The following ATP9B variants were observed in gnomAD, a reference collection of about 807,000 sequenced individuals.
ATP9B encodes the protein probable phospholipid-transporting ATPase IIB.
ATP9B carries 110 observed loss-of-function variants against 146.1 expected under a neutral mutation model. The ratio of observed to expected loss-of-function variants is 0.75; its 90% confidence interval spans 0.65 to 0.88. ATP9B has a LOEUF of 0.88. Ranked by LOEUF, ATP9B falls within the 40% of genes least tolerant of loss-of-function variation. The pLI is 0.00. For missense variants in ATP9B, 1,499 were observed against 1,496.4 expected (o/e 1.00, Z -0.03); for synonymous variants, 604 against 569.7 (o/e 1.06, Z -0.86).
chr18:79,169,602 C>T (rs2095038730), intron 7 of ATP9B, among the ~76,000 whole-genome samples: 1 of 152,180 alleles, frequency 6.6e-6, no homozygotes, highest in African/African-American at 2.4e-5. Context: ...CTTTTCTTAA[C>T]ATACCTTTTC....
chr18:79,331,575 G>A (rs1006091178), intron 17 of ATP9B, among the ~76,000 whole-genome samples: 2 of 151,888 alleles, frequency 1.3e-5, no homozygotes, highest in African/African-American at 4.8e-5. Context: ...CTTTGTTGTG[G>A]TACTACTATA....
At chr18:79,329,074 T>TG in intron 15 of ATP9B, 67 bp from the exon 16 acceptor site, 19 of 1,421,196 alleles carry the variant, frequency 1.3e-5, no homozygotes, top group Non-Finnish European at 1.8e-5. Flanking sequence ...AGCACTGCCG[T>TG]GCTGGCTCGC....
At chr18:79,093,372 T>C (rs1020487452) in intron 1 of ATP9B, among the ~76,000 whole-genome samples, 16 of 152,198 alleles carry the variant, frequency 1.1e-4, no homozygotes, top group Admixed American at 1.0e-3. Context: ...AGTTCCACTG[T>C]GCTTTGGCCT....
chr18:79,296,793 T>C (rs1324940666), intron 13 of ATP9B, among the ~76,000 whole-genome samples: 1 of 152,086 alleles, frequency 6.6e-6, no homozygotes, highest in African/African-American at 2.4e-5. Context: ...GGGGATAGAG[T>C]TGGGATAATA....
At chr18:79,159,862 A>G (rs1048107326) in intron 7 of ATP9B, among the ~76,000 whole-genome samples, 1 of 152,190 alleles carries the variant, frequency 6.6e-6, no homozygotes, top group African/African-American at 2.4e-5. Context: ...TACATTTGTG[A>G]TGTACATGTT....
In ATP9B at chr18:79,336,575, C is replaced by T. The variant is rs1034604897; in HGVS notation, c.2029-53C>T. On this transcript the variant is annotated intron_variant, in intron 17 of 29. Transcript: ENST00000426216. The stretch of plus-strand genomic sequence containing the variant: ...TGTGGCACTGCCCTGGCCCCACACA[C>T]GGCCACAGGGGCTCTGCAGGGCCCA... 2.8e-5 allele frequency: 43 copies of T among 1,546,596 alleles called. No homozygotes were observed. In the African/African-American group the frequency reaches 3.7e-4, roughly 13 times the overall value.
At chr18:79,069,717 G>A (rs770377213) in intron 1 of ATP9B, among the ~76,000 whole-genome samples, 188 bp downstream of exon 1, 4 of 152,208 alleles carry the variant, frequency 2.6e-5, no homozygotes, top group Admixed American at 2.6e-4. Context: ...GAGGGCCGCG[G>A]GCAGCTGCCG....
chr18:79,124,381 G>C (rs1244506906), intron 4 of ATP9B, among the ~76,000 whole-genome samples: 1 of 152,230 alleles, frequency 6.6e-6, no homozygotes, highest in African/African-American at 2.4e-5. Context: ...AGAATACAGT[G>C]TGTGCTAAAG....
intron 15 of ATP9B, among the ~76,000 whole-genome samples, chr18:79,324,789 GCTGGTCTAATATGTAACATTTTGCTGTCC>G (rs1487151604): frequency 6.6e-6 from 1 of 152,214 alleles, no homozygotes; most frequent in Admixed American, 6.5e-5. Flanking sequence ...CTTCTTAATT[GCTGGTCTAATATGTAACATTTTGCTGTCC>G]CTGAATTTAT....
chr18:79,214,549 G>A (rs1176512380), intron 11 of ATP9B, among the ~76,000 whole-genome samples: 2 of 152,120 alleles, frequency 1.3e-5, no homozygotes, highest in Non-Finnish European at 2.9e-5. Context: ...TTCTAAAATT[G>A]TTATTTATGC....
chr18:79,374,261 C>T lies in ATP9B; in HGVS notation c.3274+160C>T, dbSNP rs1040869673. ...ACTGTCCCTGCACCACGGATGAAGGCGCTGAGCCCCGTCGGTCACTGGCTG... is the reference window on the plus strand; with the variant it reads ...ACTGTCCCTGCACCACGGATGAAGGTGCTGAGCCCCGTCGGTCACTGGCTG... On this transcript the variant is annotated intron_variant, in intron 28 of 29. Coordinates refer to ENST00000426216, the MANE Select transcript of ATP9B (RefSeq NM_198531.5). The T allele has an allele frequency of 5.1e-5, 42 of 823,084 alleles. 2 individuals are homozygous for T. The highest frequency in any genetic ancestry group is 2.6e-4 in the South Asian group (15 of 56,682). 51.0% of individuals were successfully genotyped at this position (823,084 alleles called of 1,614,324 possible).
chr18:79,234,184 T>C (rs867791933), intron 11 of ATP9B, among the ~76,000 whole-genome samples: 9 of 152,166 alleles, frequency 5.9e-5, no homozygotes, highest in Non-Finnish European at 7.4e-5. Context: ...TGGGGGAATA[T>C]AGAGGGCAGT....
At chr18:79,122,842 G>A (rs1031543661) in intron 4 of ATP9B, among the ~76,000 whole-genome samples, 4 of 151,986 alleles carry the variant, frequency 2.6e-5, no homozygotes, top group Non-Finnish European at 5.9e-5. Flanking sequence ...TTTCATTGCT[G>A]CTTTGTCATA....
At chr18:79,249,925 C>T (rs1057298363) in intron 11 of ATP9B, among the ~76,000 whole-genome samples, 3 of 152,202 alleles carry the variant, frequency 2.0e-5, no homozygotes, top group African/African-American at 7.2e-5. Context: ...GAACAACAGT[C>T]ATAGTTCAGA....
Position 79,239,770 on chromosome 18 carries a change from G to A in ATP9B, c.1108-13611G>A, listed in dbSNP as rs1236003410. 6.6e-6 allele frequency among the ~76,000 whole-genome samples: 1 copy of A among 152,158 alleles called. No homozygotes were observed. Among genetic ancestry groups the A allele is most frequent in the East Asian group, 1.9e-4 (1 of 5,194 alleles). ...GAGTAATGTGTTTTCTCACCTTGCTGTTTTCTCGAGAGCATTGTTTTGTGA... is the reference window on the plus strand; with the variant it reads ...GAGTAATGTGTTTTCTCACCTTGCTATTTTCTCGAGAGCATTGTTTTGTGA... On this transcript the variant is annotated intron_variant, in intron 11 of 29. Coordinates refer to ENST00000426216, the MANE Select transcript of ATP9B (RefSeq NM_198531.5). This position sits in a 1 kb window ranked among gnomAD's most constrained non-coding sequence, Gnocchi z 5.1.
At chr18:79,219,097 A>T (rs1319641448) in intron 11 of ATP9B, among the ~76,000 whole-genome samples, 1 of 152,232 alleles carries the variant, frequency 6.6e-6, no homozygotes, top group Non-Finnish European at 1.5e-5. Flanking sequence ...CTGGGGACAG[A>T]GAAGATCATT....
intron 9 of ATP9B, among the ~76,000 whole-genome samples, chr18:79,197,083 TA>T (rs779423000): frequency 1.3e-5 from 2 of 152,324 alleles, no homozygotes; most frequent in South Asian, 4.1e-4. Flanking sequence ...CATTTGCTTG[TA>T]AAGAAATTTT....
chr18:79,244,620 T>C (rs1232187768), intron 11 of ATP9B, among the ~76,000 whole-genome samples: 1 of 152,188 alleles, frequency 6.6e-6, no homozygotes, highest in East Asian at 1.9e-4. Context: ...TTCAGCAACA[T>C]ATTTTGTAAA....
chr18:79,136,767 A>G (rs1381121376), intron 5 of ATP9B, among the ~76,000 whole-genome samples: 1 of 152,202 alleles, frequency 6.6e-6, no homozygotes, highest in Non-Finnish European at 1.5e-5. Context: ...CATACCCAAG[A>G]CCGAGTAATT....
Sources: allele counts gnomAD v4.1 joint callset (sites outside exome capture counted in the v4.1 genomes callset), GRCh38; gene constraint gnomAD v4.1.1; non-coding constraint Gnocchi (gnomAD v3.1); transcripts MANE v1.5; gene names NCBI Gene and HGNC (gene_info 2026-07-23, HGNC 2026-07-21).